Variants in RASGRF2 observed in about 807,000 individuals in gnomAD.
RASGRF2 encodes the protein ras-specific guanine nucleotide-releasing factor 2.
Under a neutral mutation model 151.0 loss-of-function variants are expected in RASGRF2, and 76 were observed. That is an observed-to-expected ratio of 0.50 (90% confidence interval 0.42 to 0.61). The LOEUF is 0.61. Among genes scored for constraint, RASGRF2 ranks in the 20% least tolerant of loss-of-function variants. The pLI is 0.00. For missense variants in RASGRF2, 1,148 were observed against 1,564.6 expected (o/e 0.73, Z 4.49); for synonymous variants, 504 against 566.5 (o/e 0.89, Z 1.57).
At chr5:81,090,885 G>C (rs1752371128) in intron 9 of RASGRF2, among the ~76,000 whole-genome samples, 1 of 152,002 alleles carries the variant, frequency 6.6e-6, no homozygotes, top group African/African-American at 2.4e-5. Context: ...AGTTTTCACA[G>C]CTTGCTTATA....
intron 17 of RASGRF2, among the ~76,000 whole-genome samples, chr5:81,130,293 G>A (rs867273043): frequency 1.3e-5 from 2 of 152,218 alleles, no homozygotes; most frequent in Non-Finnish European, 1.5e-5. Flanking sequence ...CTATCATGCA[G>A]TCTGAAGCCA....
chr5:81,124,857 C>T (rs921773971), intron 16 of RASGRF2, among the ~76,000 whole-genome samples: 1 of 151,988 alleles, frequency 6.6e-6, no homozygotes, highest in Non-Finnish European at 1.5e-5. Context: ...ATTATGAAAC[C>T]GGATTCACCC....
intron 17 of RASGRF2, among the ~76,000 whole-genome samples, chr5:81,133,365 T>C (rs1011634571): frequency 1.3e-5 from 2 of 152,202 alleles, no homozygotes; most frequent in African/African-American, 4.8e-5. Context: ...CCACACTGAT[T>C]GAAATGTATT....
At chr5:81,135,719 T>C (rs1248861539) in intron 17 of RASGRF2, among the ~76,000 whole-genome samples, 9 of 152,236 alleles carry the variant, frequency 5.9e-5, no homozygotes, top group Admixed American at 5.9e-4. Context: ...TTTTGGCTGC[T>C]GTGAATGATG....
intron 9 of RASGRF2, chr5:81,087,517 C>T (rs1752273280): frequency 5.0e-6 from 3 of 598,798 alleles, no homozygotes; most frequent in South Asian, 2.0e-5. Flanking sequence ...GTCGTGTTTG[C>T]GAAGTGTGCT....
intron 1 of RASGRF2, among the ~76,000 whole-genome samples, chr5:80,990,218 GT>G (rs10558206): frequency 0.056 from 7,663 of 137,920 alleles, 345 homozygotes; most frequent in African/African-American, 0.13. Context: ...ACTGCCAGAT[GT>G]TTTTTTTTTT....
chr5:81,094,491 A>T, intron 11 of RASGRF2, 129 bp downstream of exon 11: 1 of 851,238 alleles, frequency 1.2e-6, no homozygotes, highest in Non-Finnish European at 1.8e-6. Context: ...TTGTTAAACC[A>T]TCTTTGGGAA....
At chr5:80,978,275 T>G (rs769661815) in intron 1 of RASGRF2, among the ~76,000 whole-genome samples, 1 of 152,212 alleles carries the variant, frequency 6.6e-6, no homozygotes, top group Non-Finnish European at 1.5e-5. Context: ...TTCCTTTTAG[T>G]ATAAAGTACC....
intron 12 of RASGRF2, among the ~76,000 whole-genome samples, chr5:81,098,032 C>T (rs965273711): frequency 3.9e-5 from 6 of 152,080 alleles, no homozygotes; most frequent in Admixed American, 2.6e-4. Flanking sequence ...ATAGTCCAGG[C>T]GAGAGATGTT....
At position 81,127,058 on chromosome 5, in the gene RASGRF2, C is replaced by G; in HGVS notation, c.2597-16C>G. On this transcript the variant is annotated splice_polypyrimidine_tract_variant and intron_variant, in intron 16 of 26. Coordinates refer to ENST00000265080, the MANE Select transcript of RASGRF2 (RefSeq NM_006909.3). Reference sequence around the variant, plus strand: ...TTTGCCTCACCATTCCATTTCCTTTCTTTTCAAATAACCAGGACAGACGGC... The same window carrying G: ...TTTGCCTCACCATTCCATTTCCTTTGTTTTCAAATAACCAGGACAGACGGC... The G allele has an allele frequency of 6.2e-7, 1 of 1,612,134 alleles. No individual in the cohort carries two copies. Among genetic ancestry groups the G allele is most frequent in the Non-Finnish European group, 8.5e-7 (1 of 1,178,572 alleles).
At chr5:81,156,557 A>C (rs1449633295) in intron 17 of RASGRF2, among the ~76,000 whole-genome samples, 2 of 152,248 alleles carry the variant, frequency 1.3e-5, no homozygotes, top group African/African-American at 4.8e-5. Flanking sequence ...CAGTCAATTA[A>C]TATAATACAT....
chr5:81,205,855 A>G (rs896303188), intron 19 of RASGRF2, among the ~76,000 whole-genome samples: 2 of 152,110 alleles, frequency 1.3e-5, no homozygotes, highest in Admixed American at 1.3e-4. Flanking sequence ...GGTTCACGCC[A>G]TTCTCCTGCC....
chr5:80,981,085 A>T (rs745801271), intron 1 of RASGRF2, among the ~76,000 whole-genome samples: 1 of 152,240 alleles, frequency 6.6e-6, no homozygotes, highest in Non-Finnish European at 1.5e-5. Context: ...TGTATTGATT[A>T]TGTTACTATA....
At chr5:81,166,947 A>C (rs996805819) in intron 17 of RASGRF2, among the ~76,000 whole-genome samples, 2 of 152,176 alleles carry the variant, frequency 1.3e-5, no homozygotes, top group Admixed American at 1.3e-4. Context: ...TGAGGACGAA[A>C]CTGCAGAGAG....
At chr5:81,057,154 T>C (rs890269906) in intron 2 of RASGRF2, among the ~76,000 whole-genome samples, 6 of 152,326 alleles carry the variant, frequency 3.9e-5, no homozygotes, top group Non-Finnish European at 8.8e-5. Context: ...TTGTTATGTG[T>C]GAATTTGATC....
intron 2 of RASGRF2, 95 bp from the exon 3 acceptor site, chr5:81,067,937 T>C (rs950672230): frequency 9.0e-7 from 1 of 1,108,178 alleles, no homozygotes; most frequent in African/African-American, 1.6e-5. Flanking sequence ...ACAATGCTCA[T>C]AACTTCTTTT....
intron 18 of RASGRF2, among the ~76,000 whole-genome samples, chr5:81,186,040 A>G (rs1167442089): frequency 1.3e-5 from 2 of 152,238 alleles, no homozygotes; most frequent in African/African-American, 4.8e-5. Flanking sequence ...TGGGAGAGCA[A>G]TTTCACAAAA....
chr5:81,078,779 C>G (rs191339298), intron 5 of RASGRF2, among the ~76,000 whole-genome samples: 2 of 152,280 alleles, frequency 1.3e-5, no homozygotes, highest in African/African-American at 4.8e-5. Context: ...AGTTTGTGTT[C>G]AACATAGGAC....
intron 17 of RASGRF2, among the ~76,000 whole-genome samples, chr5:81,168,191 C>T (rs188896903): frequency 1.5e-4 from 23 of 151,992 alleles, no homozygotes; most frequent in Admixed American, 8.5e-4. Context: ...TTGCCCCATC[C>T]CATCCCTTTT....
Sources: gnomAD v4.1 joint callset for allele counts (sites outside exome capture counted in the v4.1 genomes callset) on GRCh38, gnomAD v4.1.1 for gene constraint, MANE v1.5 for transcripts, NCBI Gene and HGNC (gene_info 2026-07-23, HGNC 2026-07-21) for gene names.